Variants in CADPS observed in about 807,000 individuals in gnomAD.
The protein encoded by CADPS is calcium-dependent secretion activator 1.
CADPS carries 57 observed loss-of-function variants against 167.3 expected under a neutral mutation model. The ratio of observed to expected loss-of-function variants is 0.34; its 90% CI spans 0.28 to 0.42. The LOEUF (loss-of-function observed/expected upper bound fraction) is 0.42, where lower values mean the gene tolerates loss of function less well. Among genes scored for constraint, CADPS ranks in the 20% least tolerant of loss-of-function variants. The pLI, the probability that CADPS is intolerant of heterozygous loss-of-function variation, is 1.00. For missense variants in CADPS, 1,414 were observed against 1,738.1 expected, an observed-to-expected ratio of 0.81 and a Z score of 3.32; for synonymous variants, 676 against 635.3, an observed-to-expected ratio of 1.06 and a Z score of -0.96.
At chr3:62,860,115 A>G (rs772133513) in intron 1 of CADPS, among the ~76,000 whole-genome samples, 3 of 152,140 alleles carry the variant, frequency 2.0e-5, no homozygotes, top group Non-Finnish European at 4.4e-5. Context: ...TTTTTACTGT[A>G]GTTTTGCTTG....
chr3:62,531,556 G>A (rs1432790331), intron 13 of CADPS, among the ~76,000 whole-genome samples: 1 of 152,182 alleles, frequency 6.6e-6, no homozygotes, highest in Non-Finnish European at 1.5e-5. Flanking sequence ...GATTTTAGTT[G>A]TATAGCTTGC....
At chr3:62,409,040 C>T (rs376887549) in intron 28 of CADPS, among the ~76,000 whole-genome samples, 1 of 152,154 alleles carries the variant, frequency 6.6e-6, no homozygotes, top group Non-Finnish European at 1.5e-5. Flanking sequence ...AATGTTCAGG[C>T]ACTACACGAA....
At chr3:62,637,993 T>C (rs963638937) in intron 6 of CADPS, among the ~76,000 whole-genome samples, 1 of 151,758 alleles carries the variant, frequency 6.6e-6, no homozygotes, top group Non-Finnish European at 1.5e-5. Context: ...TTCCCCCATG[T>C]CCCCTTCGTC....
At chr3:62,561,416 C>T (rs2079131611) in intron 9 of CADPS, among the ~76,000 whole-genome samples, 1 of 150,944 alleles carries the variant, frequency 6.6e-6, no homozygotes, top group Admixed American at 6.6e-5. Context: ...CCATGCCTGG[C>T]TATTTTTTTT....
intron 21 of CADPS, among the ~76,000 whole-genome samples, chr3:62,483,749 C>T (rs1384428857): frequency 6.6e-6 from 1 of 152,216 alleles, no homozygotes; most frequent in South Asian, 2.1e-4. Flanking sequence ...CCTTTGAATT[C>T]AGTCCCTGGT....
intron 1 of CADPS, among the ~76,000 whole-genome samples, chr3:62,845,454 A>C (rs540300513): frequency 1.4e-4 from 22 of 152,306 alleles, no homozygotes; most frequent in African/African-American, 5.3e-4. Flanking sequence ...TCATTAGGTC[A>C]TTTTGAAGAT....
chr3:62,768,490 C>T (rs374523681), intron 1 of CADPS, among the ~76,000 whole-genome samples: 51 of 152,204 alleles, frequency 3.4e-4, no homozygotes, highest in African/African-American at 1.2e-3. Flanking sequence ...TTGACCCAGG[C>T]CAAATCTATT....
intron 14 of CADPS, among the ~76,000 whole-genome samples, chr3:62,516,930 C>T (rs1358268483): frequency 6.6e-6 from 1 of 152,074 alleles, no homozygotes; most frequent in East Asian, 1.9e-4. Flanking sequence ...TGAAGGAGAA[C>T]TATTTGTTAG....
intron 8 of CADPS, among the ~76,000 whole-genome samples, chr3:62,573,417 T>C (rs974498488): frequency 6.6e-6 from 1 of 152,200 alleles, no homozygotes; most frequent in Admixed American, 6.5e-5. Context: ...TGCTCGTCTA[T>C]ATATCATTAA....
At chr3:62,724,835 GA>G (rs1223795709) in intron 3 of CADPS, among the ~76,000 whole-genome samples, 3 of 152,224 alleles carry the variant, frequency 2.0e-5, no homozygotes, top group African/African-American at 7.2e-5. Context: ...CTCCACTGCT[GA>G]AAACCCTCCA....
chr3:62,736,582 CAAAT>C (rs2079030362), intron 3 of CADPS, among the ~76,000 whole-genome samples: 1 of 152,040 alleles, frequency 6.6e-6, no homozygotes, highest in African/African-American at 2.4e-5. Context: ...CAGAAAGAAA[CAAAT>C]ACTTAGAATA....
At chr3:62,772,691 A>G (rs2089215186) in intron 1 of CADPS, among the ~76,000 whole-genome samples, 1 of 152,168 alleles carries the variant, frequency 6.6e-6, no homozygotes, top group South Asian at 2.1e-4. Context: ...TTCCTAATGG[A>G]TACACTTGGT....
intron 28 of CADPS, chr3:62,404,240 G>A (rs1333064309): frequency 6.6e-6 from 1 of 152,572 alleles, no homozygotes; most frequent in Admixed American, 6.6e-5. Context: ...AAAAAAGAAA[G>A]AAATGGTTAG....
At chr3:62,704,435 C>T (rs552030782) in intron 3 of CADPS, among the ~76,000 whole-genome samples, 13 of 152,088 alleles carry the variant, frequency 8.5e-5, no homozygotes, top group South Asian at 2.1e-4. Flanking sequence ...TGCTCACATA[C>T]GATTTAATGA....
chr3:62,845,212 G>T lies in CADPS; in HGVS notation c.441+29377C>A, dbSNP rs139777175. Among the ~76,000 whole-genome samples, 147 of 152,298 alleles carry T rather than the reference G, an allele frequency of 9.7e-4. 1 individual carries two copies. The highest frequency in any genetic ancestry group is 3.5e-3 in the African/African-American group (144 of 41,576). ...GGTCAGATTTTCAGGCTCTGTCAGA[G>T]TCTGAGAGAACAAGAACTTGGCTTC... On this transcript the variant is annotated intron_variant, in intron 1 of 29. Transcript: ENST00000383710.
intron 6 of CADPS, among the ~76,000 whole-genome samples, chr3:62,599,509 TTA>T (rs201473230): frequency 1.2e-4 from 13 of 104,692 alleles, no homozygotes; most frequent in African/African-American, 3.8e-4. Context: ...TTTATATATA[TTA>T]TATATATATT....
At chr3:62,862,372 A>G (rs529078496) in intron 1 of CADPS, among the ~76,000 whole-genome samples, 1 of 152,014 alleles carries the variant, frequency 6.6e-6, no homozygotes, top group African/African-American at 2.4e-5. Flanking sequence ...ACGCACCACC[A>G]TGTCCAGCTA....
intron 6 of CADPS, among the ~76,000 whole-genome samples, chr3:62,593,315 T>C (rs918292136): frequency 6.6e-6 from 1 of 152,168 alleles, no homozygotes; most frequent in Admixed American, 6.5e-5. Context: ...ATGTGGGAAA[T>C]GCCATTCCCT....
rs1473233118 is a variant in CADPS at position 62,420,905 on chromosome 3, CACACACACA to C, written c.3777+17190_3777+17198del. ...ACACACACACACACACACACACAGG[CACACACACA>C]CACACTTGCCAGATCACTTACCCAA... On this transcript the variant is annotated intron_variant, in intron 28 of 29. Coordinates refer to ENST00000383710, the MANE Select transcript of CADPS (RefSeq NM_003716.4). This position sits in a 1 kb window ranked among gnomAD's most constrained non-coding sequence, Gnocchi z 4.1. Among the ~76,000 whole-genome samples the C allele has an allele frequency of 9.7e-3, 878 of 90,314 alleles. 14 individuals are homozygous for C. The highest frequency in any genetic ancestry group is 0.04 in the African/African-American group (784 of 19,638). 59.2% of individuals were successfully genotyped at this position (90,314 alleles called of 152,430 possible). A position where few individuals can be genotyped will look rare whatever the true frequency, so the allele number is the denominator to read the frequency against.
Sources: gnomAD v4.1 joint callset for allele counts (sites outside exome capture counted in the v4.1 genomes callset) on GRCh38, gnomAD v4.1.1 for gene constraint, Gnocchi (gnomAD v3.1) non-coding constraint, MANE v1.5 for transcripts, NCBI Gene and HGNC (gene_info 2026-07-23, HGNC 2026-07-21) for gene names.